BRWD1: variants seen among roughly 807,000 people sequenced by gnomAD.
BRWD1 encodes bromodomain and WD repeat-containing protein 1.
A neutral mutation model predicts 251.2 loss-of-function variants in BRWD1; 82 were observed. That is an observed-to-expected ratio of 0.33 (90% CI 0.27 to 0.39). BRWD1 has a LOEUF of 0.39. Among genes scored for constraint, BRWD1 ranks in the 10% least tolerant of loss-of-function variants. The pLI, the probability that BRWD1 is intolerant of heterozygous loss-of-function variation, is 1.00. For missense variants in BRWD1, 2,233 were observed against 2,711.6 expected, an observed-to-expected ratio of 0.82 and a Z score of 3.92; for synonymous variants, 918 against 902.8, an observed-to-expected ratio of 1.02 and a Z score of -0.30.
rs542513908 is a variant in BRWD1, at chr21:39,221,457, TAGACACAGCAATAAAAACTGA to T, written c.3383-2818_3383-2798del. The stretch of plus-strand genomic sequence containing the variant: ...TAACAAATTTTACACTAACATAGTG[TAGACACAGCAATAAAAACTGA>T]AGACACAGCAATAAAAATTATCCTA... On this transcript the variant is annotated intron_variant, in intron 29 of 40. Coordinates refer to ENST00000342449, the MANE Select transcript of BRWD1 (RefSeq NM_033656.4). Among the ~76,000 whole-genome samples, 751 of 152,110 alleles carry T rather than the reference TAGACACAGCAATAAAAACTGA, an allele frequency of 4.9e-3. 7 individuals carry two copies. The highest frequency in any genetic ancestry group is 0.014 in the Middle Eastern group (4 of 294).
At chr21:39,276,857 C>G (rs1027634508) in intron 11 of BRWD1, among the ~76,000 whole-genome samples, 2 of 152,192 alleles carry the variant, frequency 1.3e-5, no homozygotes, top group African/African-American at 2.4e-5. Context: ...TTAGGCCTCT[C>G]AAGTGCTAAT....
At chr21:39,303,024 A>G (rs1027330688) in intron 4 of BRWD1, among the ~76,000 whole-genome samples, 4 of 151,824 alleles carry the variant, frequency 2.6e-5, no homozygotes, top group African/African-American at 9.7e-5. Context: ...ACACCACCAC[A>G]CTCCATCCTG....
rs1243091527 is a variant in BRWD1, at chr21:39,186,148, C to T, written c.*10111G>A. Reference sequence around the variant, plus strand: ...GATTTCACTGTATCTAAAAATATGACTGTTTTGATCTTAAGCTATACATTT... The same window carrying T: ...GATTTCACTGTATCTAAAAATATGATTGTTTTGATCTTAAGCTATACATTT... On this transcript the variant is annotated 3_prime_UTR_variant, in exon 41 of 41. Transcript: ENST00000342449. The T allele has an allele frequency of 6.6e-6, 1 of 152,126 alleles. No homozygotes were observed. Among genetic ancestry groups the T allele is most frequent in the Non-Finnish European group, 1.5e-5 (1 of 67,998 alleles). The allele number at this position is 152,126 out of a possible 1,614,324, so 9.4% of individuals were successfully genotyped here. A position where few individuals can be genotyped will look rare whatever the true frequency, so the allele number is the denominator to read the frequency against.
rs535692467 is a variant in BRWD1, at chr21:39,298,703, G to C, written c.199-121C>G. 5.4e-6 allele frequency: 4 copies of C among 739,364 alleles called. No individual in the cohort carries two copies. The African/African-American group carries it at 7.3e-5, about 14-fold the overall frequency. 45.8% of individuals were successfully genotyped at this position (739,364 alleles called of 1,614,324 possible). ...CTGAAAACTGTAAAACATGCTGAGA[G>C]AAATTAAAGACGACTTAAATAAACA... On this transcript the variant is annotated intron_variant, in intron 4 of 40. Coordinates refer to ENST00000342449, the MANE Select transcript of BRWD1 (RefSeq NM_033656.4).
At chr21:39,291,137 C>T (rs2035796049) in intron 8 of BRWD1, among the ~76,000 whole-genome samples, 1 of 152,166 alleles carries the variant, frequency 6.6e-6, no homozygotes, top group Admixed American at 6.6e-5. Flanking sequence ...ACCGCTATCT[C>T]AGTTATAACT....
At chr21:39,279,898 C>T (rs1167374932) in intron 9 of BRWD1, among the ~76,000 whole-genome samples, 1 of 151,916 alleles carries the variant, frequency 6.6e-6, no homozygotes, top group African/African-American at 2.4e-5. Context: ...ATTTTAAATG[C>T]CTTACTTTGT....
intron 8 of BRWD1, among the ~76,000 whole-genome samples, chr21:39,281,883 T>A (rs28784962): frequency 0.022 from 1,566 of 72,150 alleles, 23 homozygotes; most frequent in African/African-American, 0.078. Context: ...AAAAAAAATA[T>A]ATATATATAT....
intron 11 of BRWD1, among the ~76,000 whole-genome samples, chr21:39,276,516 A>C (rs2035285966): frequency 6.6e-6 from 1 of 152,232 alleles, no homozygotes; most frequent in Non-Finnish European, 1.5e-5. Context: ...ATGGAAGTGA[A>C]ATGTGTGGAA....
chr21:39,313,559 A>C lies in BRWD1; in HGVS notation c.-68T>G, dbSNP rs964708568. 6.5e-6 allele frequency: 8 copies of C among 1,235,052 alleles called. No individual in the cohort carries two copies. The highest frequency in any genetic ancestry group is 8.6e-5 in the Admixed American group (2 of 23,224). 76.5% of individuals were successfully genotyped at this position (1,235,052 alleles called of 1,614,324 possible). ...AGCGTGTAGGCCGCGCCGAGGCCTGACCGGGCTGGCGTCCCCTCTTCTCAG... is the reference window on the plus strand; with the variant it reads ...AGCGTGTAGGCCGCGCCGAGGCCTGCCCGGGCTGGCGTCCCCTCTTCTCAG... On this transcript the variant is annotated 5_prime_UTR_variant, in exon 1 of 41. Coordinates refer to ENST00000342449, the MANE Select transcript of BRWD1 (RefSeq NM_033656.4).
At chr21:39,265,822 T>C (rs2034901417) in intron 15 of BRWD1, among the ~76,000 whole-genome samples, 1 of 152,226 alleles carries the variant, frequency 6.6e-6, no homozygotes, top group South Asian at 2.1e-4. Context: ...CTCAAGCATA[T>C]ATATGAAAAA....
chr21:39,284,267 G>C (rs115945110), intron 8 of BRWD1, among the ~76,000 whole-genome samples: 2,129 of 152,206 alleles, frequency 0.014, 57 homozygotes, highest in African/African-American at 0.048. Context: ...ATTGCTTGAG[G>C]CCAGAAGTTC....
intron 21 of BRWD1, among the ~76,000 whole-genome samples, chr21:39,238,882 ACTTTAG>A (rs754029207): frequency 3.0e-4 from 45 of 152,180 alleles, no homozygotes; most frequent in Non-Finnish European, 5.4e-4. Context: ...TCCATTTTGG[ACTTTAG>A]CTATTCTAAT....
chr21:39,196,971 G>A lies in BRWD1; in HGVS notation c.6098C>T (p.Thr2033Ile). The part of the protein sequence containing the change: ...MLNSEHKHRH[T>I]NIHKIDAPSK... ...AGGTGCATCTATTTTGTGAATATTGGTATGCCTGTGCTTGTGTTCTGAATT... is the reference window on the plus strand; with the variant it reads ...AGGTGCATCTATTTTGTGAATATTGATATGCCTGTGCTTGTGTTCTGAATT... The change falls in exon 41 of 41, where the codon ACC becomes ATC. Residue 2033 changes from threonine (T) to isoleucine (I), a missense_variant. Around this residue, in one of 12 missense-constraint regions of BRWD1, gnomAD observed 928 missense variants for 970.0 expected, o/e 0.96. Transcript: ENST00000342449. 2.5e-6 allele frequency: 4 copies of A among 1,613,986 alleles called. No homozygotes were observed. Among genetic ancestry groups the A allele is most frequent in the Non-Finnish European group, 3.4e-6 (4 of 1,179,932 alleles).
At chr21:39,301,230 G>A (rs1200765016) in intron 4 of BRWD1, among the ~76,000 whole-genome samples, 2 of 151,196 alleles carry the variant, frequency 1.3e-5, no homozygotes, top group African/African-American at 2.4e-5. Context: ...GGCAGCTTCT[G>A]ACATGCCCGC....
intron 17 of BRWD1, among the ~76,000 whole-genome samples, chr21:39,263,800 A>C (rs2034832278): frequency 6.6e-6 from 1 of 152,226 alleles, no homozygotes; most frequent in Admixed American, 6.5e-5. Context: ...TATTAATTAC[A>C]AAGAGAAAAA....
At chr21:39,263,280 CCAAA>C (rs2034814364) in intron 17 of BRWD1, among the ~76,000 whole-genome samples, 1 of 152,102 alleles carries the variant, frequency 6.6e-6, no homozygotes, top group African/African-American at 2.4e-5. Flanking sequence ...AAATCCTCAT[CCAAA>C]CAAACAAAAT....
At position 39,190,233 on chromosome 21, in the gene BRWD1, T is replaced by C. The variant is rs932349221; in HGVS notation, c.*6026A>G. On this transcript the variant is annotated 3_prime_UTR_variant, in exon 41 of 41. Coordinates refer to ENST00000342449, the MANE Select transcript of BRWD1 (RefSeq NM_033656.4). ...GATTAATCATATTCTAATTAGACTTTTTTTTAATTTTTAAGCTACCTTATT... is the reference window on the plus strand; with the variant it reads ...GATTAATCATATTCTAATTAGACTTCTTTTTAATTTTTAAGCTACCTTATT... The C allele has an allele frequency of 6.1e-6, 6 of 980,086 alleles. No individual in the cohort carries two copies. The African/African-American group carries it at 1.1e-4, about 17-fold the overall frequency. The allele number at this position is 980,086 out of a possible 1,614,324, so 60.7% of individuals were successfully genotyped here.
At chr21:39,312,310 T>C (rs200726911) in intron 4 of BRWD1, among the ~76,000 whole-genome samples, 1 of 152,236 alleles carries the variant, frequency 6.6e-6, no homozygotes, top group East Asian at 1.9e-4. Context: ...AGCACTACAG[T>C]GGCATATTCA....
In BRWD1 at chr21:39,187,781, G is replaced by A; in HGVS notation, c.*8478C>T. ...CCAGTATTTTCTGACCTAGGTATGT[G>A]ACACACGAGATTCAGATTAAAATTC... is the stretch of plus-strand genomic sequence containing the variant. On this transcript the variant is annotated 3_prime_UTR_variant, in exon 41 of 41. Transcript: ENST00000342449. The A allele has an allele frequency of 1.0e-6, 1 of 985,110 alleles. No homozygotes were observed. Among genetic ancestry groups the A allele is most frequent in the Non-Finnish European group, 1.2e-6 (1 of 829,742 alleles). The allele number at this position is 985,110 out of a possible 1,614,324, so 61.0% of individuals were successfully genotyped here.
Sources: gnomAD v4.1 joint callset for allele counts (sites outside exome capture counted in the v4.1 genomes callset) on GRCh38, gnomAD v4.1.1 for gene constraint, gnomAD v4.1.1 regional missense constraint, MANE v1.5 for transcripts, NCBI Gene and HGNC (gene_info 2026-07-23, HGNC 2026-07-21) for gene names.